Variants in RAPGEF6 observed in about 807,000 individuals in gnomAD.
RAPGEF6 encodes Rap guanine nucleotide exchange factor 6.
RAPGEF6 carries 56 observed loss-of-function variants against 171.4 expected under a neutral mutation model. The ratio of observed to expected loss-of-function variants is 0.33; its 90% CI spans 0.26 to 0.41. RAPGEF6 has a LOEUF of 0.41. Ranked by LOEUF, RAPGEF6 falls within the 10% of genes least tolerant of loss-of-function variation. The pLI is 1.00. For missense variants in RAPGEF6, 1,674 were observed against 1,921.4 expected (o/e 0.87, Z 2.41); for synonymous variants, 692 against 650.1 (o/e 1.06, Z -0.98).
chr5:131,631,754 C>G, intron 1 of RAPGEF6, among the ~76,000 whole-genome samples: 1 of 152,100 alleles, frequency 6.6e-6, no homozygotes, highest in African/African-American at 2.4e-5. Context: ...AGTGACCAGA[C>G]TGGGCAATAT....
Position 131,446,621 on chromosome 5 carries a change from G to A in RAPGEF6, c.3283C>T (p.Leu1095=). 1 of 1,614,216 alleles carries A rather than the reference G, an allele frequency of 6.2e-7. No homozygotes were observed. Among genetic ancestry groups the A allele is most frequent in the Non-Finnish European group, 8.5e-7 (1 of 1,180,014 alleles). The stretch of plus-strand genomic sequence containing the variant: ...TCATATAGCTTCTTGGCATTAAGCA[G>A]AGAGCTGCGGCGTGCCCTTTTTTTG... The part of the protein sequence containing the change: ...AHKKRARRSS[L]LNAKKLYEDA... The change falls in exon 22 of 28, where the codon CTG becomes TTG. Residue 1095 remains leucine (L), a synonymous_variant. Coordinates refer to ENST00000509018, the MANE Select transcript of RAPGEF6 (RefSeq NM_016340.6).
At chr5:131,480,197 T>A (rs952310645) in intron 15 of RAPGEF6, among the ~76,000 whole-genome samples, 1 of 152,216 alleles carries the variant, frequency 6.6e-6, no homozygotes, top group Non-Finnish European at 1.5e-5. Flanking sequence ...ATACTTGAAT[T>A]TTTTTCAACC....
chr5:131,571,413 T>TAA, intron 4 of RAPGEF6, among the ~76,000 whole-genome samples: 1 of 152,280 alleles, frequency 6.6e-6, no homozygotes, highest in East Asian at 1.9e-4. Context: ...ATGAAGCTGT[T>TAA]TATTCACAGA....
chr5:131,603,322 A>G lies in RAPGEF6; in HGVS notation c.146T>C (p.Met49Thr), dbSNP rs1356212680. 1.9e-6 allele frequency: 3 copies of G among 1,544,818 alleles called. No individual in the cohort carries two copies. The highest frequency in any genetic ancestry group is 2.4e-5 in the East Asian group (1 of 41,896). ...SNLREHQLRL[M>T]SARARYERYS... is the part of the protein sequence containing the mutation. Reference sequence around the variant, plus strand: ...TCTCTCATAGCGTGCTCTTGCAGACATTAATCTATTAAAAAAAAAAATTGA... The same window carrying G: ...TCTCTCATAGCGTGCTCTTGCAGACGTTAATCTATTAAAAAAAAAAATTGA... Residue 49 changes from methionine (M) to threonine (T), a missense_variant, in exon 3 of 28, where the codon ATG becomes ACG. Met to Thr is a moderately conservative substitution (Grantham distance 81, BLOSUM62 -1). Around this residue, in one of 3 missense-constraint regions of RAPGEF6, gnomAD observed 1,116 missense variants for 1,321.5 expected, o/e 0.84. Coordinates refer to ENST00000509018, the MANE Select transcript of RAPGEF6 (RefSeq NM_016340.6).
At chr5:131,485,475 C>T (rs541547703) in intron 15 of RAPGEF6, among the ~76,000 whole-genome samples, 4 of 152,286 alleles carry the variant, frequency 2.6e-5, no homozygotes, top group South Asian at 2.1e-4. Context: ...CACTTTTCTC[C>T]ACAGGACAAC....
chr5:131,624,865 G>A (rs536291700), intron 1 of RAPGEF6, among the ~76,000 whole-genome samples: 2 of 152,358 alleles, frequency 1.3e-5, no homozygotes, highest in African/African-American at 4.8e-5. Context: ...GCTCACGCCT[G>A]TAATCCCAGC....
rs757805946 is a variant in RAPGEF6, at chr5:131,461,686, C to A, written c.2864+19G>T. Reference sequence around the variant, plus strand: ...TGACAAAACCATACAGACATTTGTACCTATTTGTACCAACTTACCTTATTA... The same window carrying A: ...TGACAAAACCATACAGACATTTGTAACTATTTGTACCAACTTACCTTATTA... On this transcript the variant is annotated intron_variant, in intron 19 of 27. Coordinates refer to ENST00000509018, the MANE Select transcript of RAPGEF6 (RefSeq NM_016340.6). 6.4e-7 allele frequency: 1 copy of A among 1,573,780 alleles called. No homozygotes were observed. Among genetic ancestry groups the A allele is most frequent in the Non-Finnish European group, 8.7e-7 (1 of 1,154,780 alleles).
chr5:131,443,981 C>G (rs1752537273), intron 22 of RAPGEF6, among the ~76,000 whole-genome samples: 1 of 152,176 alleles, frequency 6.6e-6, no homozygotes, highest in African/African-American at 2.4e-5. Flanking sequence ...TAAAAGCTGC[C>G]TCCTTCATAT....
At chr5:131,491,638 T>A (rs1756291268) in intron 14 of RAPGEF6, among the ~76,000 whole-genome samples, 1 of 152,124 alleles carries the variant, frequency 6.6e-6, no homozygotes, top group South Asian at 2.1e-4. Context: ...CCACCTCCTG[T>A]TAAATCAGCA....
intron 7 of RAPGEF6, among the ~76,000 whole-genome samples, chr5:131,510,977 T>C (rs1284669643): frequency 6.6e-6 from 1 of 152,102 alleles, no homozygotes; most frequent in Non-Finnish European, 1.5e-5. Flanking sequence ...AAGTTTAAAG[T>C]AAGGTAAAGA....
rs553017606 is a variant in RAPGEF6 at position 131,615,582 on chromosome 5, T to G, written c.70-10889A>C. Among the ~76,000 whole-genome samples the G allele has an allele frequency of 9.8e-4, 150 of 152,310 alleles. 3 individuals carry two copies. Among genetic ancestry groups the G allele is most frequent in the Admixed American group, 9.7e-3 (148 of 15,290 alleles). ...TGCTAATCATTTACGCTGAATGCAC[T>G]TGAAAGCTGCTCTATGTAGCTTTCA... On this transcript the variant is annotated intron_variant, in intron 1 of 27. Coordinates refer to ENST00000509018, the MANE Select transcript of RAPGEF6 (RefSeq NM_016340.6).
chr5:131,561,034 C>T (rs1761565949), intron 5 of RAPGEF6, among the ~76,000 whole-genome samples: 1 of 152,058 alleles, frequency 6.6e-6, no homozygotes, highest in Non-Finnish European at 1.5e-5. Context: ...GACAATGAGT[C>T]CACTCGGTAT....
At chr5:131,610,398 C>T (rs1764866693) in intron 1 of RAPGEF6, among the ~76,000 whole-genome samples, 1 of 152,148 alleles carries the variant, frequency 6.6e-6, no homozygotes, top group African/African-American at 2.4e-5. Context: ...GAAGAGTTGC[C>T]ATTTTGGCAG....
intron 6 of RAPGEF6, among the ~76,000 whole-genome samples, chr5:131,544,670 T>G (rs1404916123): frequency 6.6e-6 from 1 of 152,136 alleles, no homozygotes; most frequent in Non-Finnish European, 1.5e-5. Context: ...TTGATCAAAA[T>G]CAAAATTTCA....
At chr5:131,588,799 G>A (rs903888244) in intron 4 of RAPGEF6, among the ~76,000 whole-genome samples, 2 of 151,148 alleles carry the variant, frequency 1.3e-5, no homozygotes, top group South Asian at 2.1e-4. Flanking sequence ...ACAGCCAGGC[G>A]AGGTGGCTCA....
chr5:131,455,073 T>C (rs932467211), intron 20 of RAPGEF6, among the ~76,000 whole-genome samples: 8 of 152,146 alleles, frequency 5.3e-5, no homozygotes, highest in Non-Finnish European at 7.3e-5. Context: ...TAAACAGTGT[T>C]CTATAAGGCC....
chr5:131,566,258 T>C (rs1207929074), intron 4 of RAPGEF6, among the ~76,000 whole-genome samples: 1 of 152,216 alleles, frequency 6.6e-6, no homozygotes, highest in Non-Finnish European at 1.5e-5. Flanking sequence ...CCCTTCTGTA[T>C]GTCTAGTTTG....
At chr5:131,562,584 C>G (rs187588072) in intron 4 of RAPGEF6, among the ~76,000 whole-genome samples, 2 of 152,182 alleles carry the variant, frequency 1.3e-5, no homozygotes, top group East Asian at 3.8e-4. Flanking sequence ...AGTGCTCAAG[C>G]GCCTAACATA....
intron 12 of RAPGEF6, among the ~76,000 whole-genome samples, chr5:131,497,053 T>C (rs1469743897): frequency 6.6e-6 from 1 of 152,198 alleles, no homozygotes; most frequent in Non-Finnish European, 1.5e-5. Flanking sequence ...TTTTTCCCCC[T>C]TTTTAAAAGC....
Sources: gnomAD v4.1 joint callset for allele counts (sites outside exome capture counted in the v4.1 genomes callset) on GRCh38, gnomAD v4.1.1 for gene constraint, gnomAD v4.1.1 regional missense constraint, MANE v1.5 for transcripts, NCBI Gene and HGNC (gene_info 2026-07-23, HGNC 2026-07-21) for gene names.